NLRC4: variants seen among roughly 807,000 people sequenced by gnomAD.
NLRC4 encodes the protein NLR family CARD domain containing 4.
Under a neutral mutation model 79.9 loss-of-function variants are expected in NLRC4, and 63 were observed. The ratio of observed to expected loss-of-function variants is 0.79; its 90% CI spans 0.64 to 0.97. NLRC4 has a LOEUF of 0.97. NLRC4 is among the 50% of genes least tolerant of loss of function. The probability of loss-of-function intolerance (pLI) is 0.00; values close to 1 mark genes in which losing one functional copy is unlikely to be tolerated. For missense variants in NLRC4, 1,074 were observed against 1,215.2 expected, an observed-to-expected ratio of 0.88 and a Z score of 1.73; for synonymous variants, 461 against 456.5, an observed-to-expected ratio of 1.01 and a Z score of -0.12.
intron 5 of NLRC4, among the ~76,000 whole-genome samples, chr2:32,240,826 G>C (rs1428635592): frequency 6.6e-6 from 1 of 152,170 alleles, no homozygotes; most frequent in Non-Finnish European, 1.5e-5. Flanking sequence ...CTTCCCAAAA[G>C]GGTTACCATC....
intron 8 of NLRC4, among the ~76,000 whole-genome samples, chr2:32,233,347 A>ATTT (rs1453870780): frequency 5.3e-4 from 24 of 45,622 alleles, no homozygotes; most frequent in African/African-American, 2.2e-3. Flanking sequence ...ATATATATAT[A>ATTT]TATTTTTTTT....
Position 32,235,432 on chromosome 2 carries a change from C to T in NLRC4, c.2751G>A (p.Trp917Ter), listed in dbSNP as rs989100389. The T allele has an allele frequency of 6.2e-7, 1 of 1,613,974 alleles. No individual in the cohort carries two copies. Among genetic ancestry groups the T allele is most frequent in the African/African-American group, 1.3e-5 (1 of 74,940 alleles). The change falls in exon 8 of 9, where the codon TGG (tryptophan) becomes TGA (stop). Residue 917 changes from tryptophan (W) to a stop codon, truncating the protein, a stop_gained. Transcript: ENST00000402280. LOFTEE classifies it high-confidence loss of function. ...PQLVKLGLKNWRLTDTEIRIL... is the reference protein window; with the variant it reads ...PQLVKLGLKN ...TTCTAATCTCTGTATCTGTGAGTCT[C>T]CAGTTTTTCAACCCAAGCTTGACGA...
intron 4 of NLRC4, among the ~76,000 whole-genome samples, chr2:32,245,868 C>T (rs1044661682): frequency 3.3e-5 from 5 of 152,146 alleles, no homozygotes; most frequent in Non-Finnish European, 5.9e-5. Context: ...TGTTGGCTAT[C>T]GTTATGTATA....
At chr2:32,239,345 C>A (rs1464248085) in intron 5 of NLRC4, among the ~76,000 whole-genome samples, 1 of 152,144 alleles carries the variant, frequency 6.6e-6, no homozygotes. Context: ...GCAGAGCTTT[C>A]GGGAAGGTTG....
In NLRC4 at chr2:32,256,755, G is replaced by A. The variant is rs1448423596; in HGVS notation, c.1+20C>T. ...TAGCAGACTGTATAACCAGGCAGATGTTATTTCTCATATACTTACTTGTTC... is the reference window on the plus strand; with the variant it reads ...TAGCAGACTGTATAACCAGGCAGATATTATTTCTCATATACTTACTTGTTC... On this transcript the variant is annotated intron_variant, in intron 2 of 8. Transcript: ENST00000402280. 1.3e-6 allele frequency: 1 copy of A among 780,872 alleles called. No individual in the cohort carries two copies. Among genetic ancestry groups the A allele is most frequent in the Non-Finnish European group, 2.4e-6 (1 of 418,028 alleles). The allele number at this position is 780,872 out of a possible 1,614,324, so 48.4% of individuals were successfully genotyped here.
intron 6 of NLRC4, among the ~76,000 whole-genome samples, chr2:32,237,819 A>G (rs1686707031): frequency 6.6e-6 from 1 of 152,218 alleles, no homozygotes; most frequent in Non-Finnish European, 1.5e-5. Flanking sequence ...TTAAATGTTT[A>G]TTAGGCAGTA....
intron 6 of NLRC4, among the ~76,000 whole-genome samples, chr2:32,237,062 G>A (rs1686690648): frequency 6.6e-6 from 1 of 152,124 alleles, no homozygotes. Flanking sequence ...TGAGGTAATG[G>A]AAAACTATTT....
At chr2:32,240,395 A>G (rs1377368089) in intron 5 of NLRC4, among the ~76,000 whole-genome samples, 1 of 117,522 alleles carries the variant, frequency 8.5e-6, no homozygotes, top group African/African-American at 3.5e-5. Context: ...TAGGGAAAAA[A>G]AGAGCCAAAA....
rs1470658238 is a variant in NLRC4, at chr2:32,236,180, GC to G, written c.2614+66del. 296 of 958,106 alleles carry G rather than the reference GC, an allele frequency of 3.1e-4. 1 individual carries two copies. The highest frequency in any genetic ancestry group is 9.4e-4 in the Admixed American group (43 of 45,672). The allele number at this position is 958,106 out of a possible 1,614,324, so 59.4% of individuals were successfully genotyped here. A position where few individuals can be genotyped will look rare whatever the true frequency, so the allele number is the denominator to read the frequency against. The stretch of plus-strand genomic sequence containing the variant: ...GGGTATAAAAGACCTCAGGACCCAG[GC>G]TATGTATTTCGACTACCCAGTATAC... On this transcript the variant is annotated intron_variant, in intron 7 of 8. Coordinates refer to ENST00000402280, the MANE Select transcript of NLRC4 (RefSeq NM_001199138.2).
intron 1 of NLRC4, among the ~76,000 whole-genome samples, chr2:32,264,218 G>A (rs754287461): frequency 1.3e-5 from 2 of 151,916 alleles, no homozygotes; most frequent in Non-Finnish European, 2.9e-5. Context: ...GGCAGATCAC[G>A]AGGTCAGGAG....
rs1270650686 is a variant in NLRC4, at chr2:32,251,428, G to A, written c.436C>T (p.His146Tyr). The change falls in exon 4 of 9, where the codon CAT (histidine) becomes TAT (tyrosine). Residue 146 changes from histidine (H) to tyrosine (Y), a missense_variant. Coordinates refer to ENST00000402280, the MANE Select transcript of NLRC4 (RefSeq NM_001199138.2). ...AGGGTCAGCTGCTCCACGCGGTGATGGTGTTGGTCCTTCCTCCACAGGACA... is the reference window on the plus strand; with the variant it reads ...AGGGTCAGCTGCTCCACGCGGTGATAGTGTTGGTCCTTCCTCCACAGGACA... ...EPVLWRKDQH[H>Y]HRVEQLTLNG... is the part of the protein sequence containing the mutation. 1.1e-5 allele frequency: 18 copies of A among 1,614,110 alleles called. No individual in the cohort carries two copies. Among genetic ancestry groups the A allele is most frequent in the Non-Finnish European group, 1.5e-5 (18 of 1,180,026 alleles).
intron 1 of NLRC4, among the ~76,000 whole-genome samples, chr2:32,259,055 T>C (rs1687274499): frequency 6.6e-6 from 1 of 152,020 alleles, no homozygotes; most frequent in Admixed American, 6.6e-5. Flanking sequence ...GCTTGGGAAC[T>C]CATGTGGATG....
At chr2:32,246,055 A>C (rs1686929065) in intron 4 of NLRC4, among the ~76,000 whole-genome samples, 1 of 152,140 alleles carries the variant, frequency 6.6e-6, no homozygotes, top group African/African-American at 2.4e-5. Context: ...GTGGTGGTGC[A>C]TGCCTGTAAT....
intron 1 of NLRC4, among the ~76,000 whole-genome samples, chr2:32,258,420 C>T (rs1047780720): frequency 5.9e-5 from 9 of 152,136 alleles, no homozygotes; most frequent in African/African-American, 2.2e-4. Context: ...AACATTTGGG[C>T]GCCAAGGCAG....
intron 2 of NLRC4, among the ~76,000 whole-genome samples, chr2:32,255,956 G>A (rs998200527): frequency 1.3e-5 from 2 of 151,852 alleles, no homozygotes; most frequent in Admixed American, 1.3e-4. Flanking sequence ...GGAGGTTGCA[G>A]TGAGCCAAGA....
At chr2:32,259,300 G>GTT (rs1687284645) in intron 1 of NLRC4, among the ~76,000 whole-genome samples, 1 of 58,288 alleles carries the variant, frequency 1.7e-5, no homozygotes, top group Non-Finnish European at 3.4e-5. Context: ...TAGAGACAGA[G>GTT]TTTTGCCGTG....
intron 4 of NLRC4, among the ~76,000 whole-genome samples, chr2:32,247,617 T>G (rs1686967774): frequency 6.6e-6 from 1 of 151,876 alleles, no homozygotes; most frequent in African/African-American, 2.4e-5. Context: ...TTTACATTTT[T>G]AATAAAAATA....
chr2:32,239,554 T>C lies in NLRC4; in HGVS notation c.2351-1252A>G, dbSNP rs183785109. On this transcript the variant is annotated intron_variant, in intron 5 of 8. Transcript: ENST00000402280. The stretch of plus-strand genomic sequence containing the variant: ...TTTTAGCTGAAGCGTTAGGGATCAT[T>C]ATATCTATGTACTAGGACTGTTGTG... Among the ~76,000 whole-genome samples the C allele has an allele frequency of 8.9e-3, 1,350 of 152,282 alleles. 17 individuals are homozygous for C. The highest frequency in any genetic ancestry group is 0.031 in the African/African-American group (1,299 of 41,548).
rs1687097330 is a variant in NLRC4 at position 32,252,359 on chromosome 2, G to A, written c.262+60C>T. ...GCAGAGGCTCTGCCATGGGGAAGAT[G>A]GATCTTTGTTGTGGTCTATTCTACT... On this transcript the variant is annotated intron_variant, in intron 3 of 8. Coordinates refer to ENST00000402280, the MANE Select transcript of NLRC4 (RefSeq NM_001199138.2). The A allele has an allele frequency of 9.4e-6, 12 of 1,270,912 alleles. No homozygotes were observed. In the East Asian group the frequency reaches 2.8e-4, roughly 29 times the overall value. The allele number at this position is 1,270,912 out of a possible 1,614,324, so 78.7% of individuals were successfully genotyped here. A position where few individuals can be genotyped will look rare whatever the true frequency, so the allele number is the denominator to read the frequency against.
Sources: gnomAD v4.1 joint callset for allele counts (sites outside exome capture counted in the v4.1 genomes callset) on GRCh38, gnomAD v4.1.1 for gene constraint, MANE v1.5 for transcripts, NCBI Gene and HGNC (gene_info 2026-07-23, HGNC 2026-07-21) for gene names.